FNDC3A: variants seen among roughly 807,000 people sequenced by gnomAD.
FNDC3A encodes fibronectin type III domain containing 3A.
A neutral mutation model predicts 148.9 loss-of-function variants in FNDC3A; 32 were observed. The ratio of observed to expected loss-of-function variants is 0.21; its 90% CI spans 0.16 to 0.29. FNDC3A has a LOEUF of 0.29. Ranked by LOEUF, FNDC3A falls within the 10% of genes least tolerant of loss-of-function variation. The pLI, the probability that FNDC3A is intolerant of heterozygous loss-of-function variation, is 1.00. For synonymous variants in FNDC3A, 472 were observed against 473.6 expected, an observed-to-expected ratio of 1.00 and a Z score of 0.04; for missense variants, 1,191 against 1,452.8, an observed-to-expected ratio of 0.82 and a Z score of 2.93.
At chr13:49,135,331 C>T (rs1882292692) in intron 5 of FNDC3A, among the ~76,000 whole-genome samples, 1 of 152,010 alleles carries the variant, frequency 6.6e-6, no homozygotes, top group Admixed American at 6.6e-5. Flanking sequence ...CTTGTGGTAT[C>T]CTTTAGTGCA....
intron 2 of FNDC3A, among the ~76,000 whole-genome samples, chr13:49,067,968 T>G (rs1329315288): frequency 1.3e-5 from 2 of 151,940 alleles, no homozygotes; most frequent in African/African-American, 4.8e-5. Flanking sequence ...AACCATAGAT[T>G]TGTTAGAATC....
intron 1 of FNDC3A, among the ~76,000 whole-genome samples, chr13:48,996,284 G>A (rs963961328): frequency 6.6e-6 from 1 of 152,094 alleles, no homozygotes; most frequent in Non-Finnish European, 1.5e-5. Flanking sequence ...TTTTGTTCAT[G>A]TGTATGTTTA....
At chr13:49,020,673 G>A (rs762545704) in intron 2 of FNDC3A, among the ~76,000 whole-genome samples, 1 of 152,212 alleles carries the variant, frequency 6.6e-6, no homozygotes, top group Admixed American at 6.5e-5. Flanking sequence ...GTGTTGGGGG[G>A]TTATAATAGC....
chr13:49,184,236 T>C (rs1885448113), intron 14 of FNDC3A, among the ~76,000 whole-genome samples: 1 of 152,004 alleles, frequency 6.6e-6, no homozygotes, highest in Admixed American at 6.5e-5. Flanking sequence ...GTAGGCATGG[T>C]GTGGAATTTA....
chr13:49,168,332 A>G (rs1884583048), intron 9 of FNDC3A, among the ~76,000 whole-genome samples: 1 of 152,248 alleles, frequency 6.6e-6, no homozygotes, highest in Non-Finnish European at 1.5e-5. Flanking sequence ...TAGGACAGAA[A>G]GCATCAGTGT....
rs555691838 is a variant in FNDC3A, at chr13:49,082,279, G to A, written c.175+6915G>A. Among the ~76,000 whole-genome samples, 32 of 152,040 alleles carry A rather than the reference G, an allele frequency of 2.1e-4. 1 individual carries two copies. Among genetic ancestry groups the A allele is most frequent in the African/African-American group, 6.5e-4 (27 of 41,474 alleles). On this transcript the variant is annotated intron_variant, in intron 3 of 25. Transcript: ENST00000492622. ...CGCAAACCTGTAATCCCAGCTATTC[G>A]GGAGGCAGAGGCAGGAGAATCACTT...
At position 49,187,517 on chromosome 13, in the gene FNDC3A, G is replaced by T. The variant is rs980232226; in HGVS notation, c.1825+327G>T. Reference sequence around the variant, plus strand: ...AGTTGTTGTCTTACTACAAGAAAGGGTGTAGCAAATGCAGATCCAAAGTAC... The same window carrying T: ...AGTTGTTGTCTTACTACAAGAAAGGTTGTAGCAAATGCAGATCCAAAGTAC... On this transcript the variant is annotated intron_variant, in intron 16 of 25. Coordinates refer to ENST00000492622, the MANE Select transcript of FNDC3A (RefSeq NM_001079673.2). 1.9e-5 allele frequency: 31 copies of T among 1,604,800 alleles called. No individual in the cohort carries two copies. In the African/African-American group the frequency reaches 4.0e-4, roughly 21 times the overall value.
intron 2 of FNDC3A, among the ~76,000 whole-genome samples, chr13:49,045,187 T>G (rs1593512092): frequency 6.9e-6 from 1 of 145,662 alleles, no homozygotes; most frequent in Non-Finnish European, 1.5e-5. Context: ...GGAATCTCAC[T>G]CTGTCACTCA....
At chr13:48,997,659 C>G (rs909469518) in intron 1 of FNDC3A, among the ~76,000 whole-genome samples, 5 of 152,044 alleles carry the variant, frequency 3.3e-5, no homozygotes, top group African/African-American at 1.2e-4. Flanking sequence ...AGGGTTCTTA[C>G]CAAAAAGCCA....
chr13:48,992,146 T>C (rs1398770142), intron 1 of FNDC3A, among the ~76,000 whole-genome samples: 1 of 152,212 alleles, frequency 6.6e-6, no homozygotes, highest in Non-Finnish European at 1.5e-5. Flanking sequence ...TTAGCAGAGA[T>C]TTCAATACCC....
chr13:48,976,635 C>G (rs1951607019), intron 1 of FNDC3A: 1 of 152,434 alleles, frequency 6.6e-6, no homozygotes, highest in East Asian at 1.9e-4. Flanking sequence ...GAGAGGATCG[C>G]CCAGCACCCG....
chr13:49,148,234 C>CT (rs1021198636), intron 8 of FNDC3A, among the ~76,000 whole-genome samples: 39 of 151,832 alleles, frequency 2.6e-4, no homozygotes, highest in East Asian at 7.7e-4. Flanking sequence ...CTCTATTTTT[C>CT]TTTTTTTTGT....
chr13:49,106,773 C>CAAAAAAAAAAAAAAAAA (rs543962565), intron 3 of FNDC3A, among the ~76,000 whole-genome samples: 18 of 79,846 alleles, frequency 2.3e-4, no homozygotes, highest in Middle Eastern at 0.014. Flanking sequence ...TGAATGAAAG[C>CAAAAAAAAAAAAAAAAA]AAAAAAAAAA....
In FNDC3A at chr13:49,138,772, T is replaced by G. The variant is rs537574276; in HGVS notation, c.786T>G (p.Phe262Leu). ...IEEKDEETKA[F>L]EALLSNIVKP... ...AAAAAGATGAAGAAACTAAAGCATTTGAAGCACTTCTTTCCAACATTGTCA... is the reference window on the plus strand; with the variant it reads ...AAAAAGATGAAGAAACTAAAGCATTGGAAGCACTTCTTTCCAACATTGTCA... Residue 262 changes from phenylalanine (F) to leucine (L), a missense_variant, in exon 7 of 26, where the codon TTT becomes TTG. Phe to Leu is a conservative substitution (Grantham distance 22). Coordinates refer to ENST00000492622, the MANE Select transcript of FNDC3A (RefSeq NM_001079673.2). The G allele has an allele frequency of 6.6e-7, 1 of 1,514,056 alleles. No individual in the cohort carries two copies. The highest frequency in any genetic ancestry group is 1.2e-5 in the South Asian group (1 of 80,278). The allele number at this position is 1,514,056 out of a possible 1,614,324, so 93.8% of individuals were successfully genotyped here.
chr13:49,112,808 A>G (rs990050550), intron 3 of FNDC3A, among the ~76,000 whole-genome samples: 2 of 152,198 alleles, frequency 1.3e-5, no homozygotes, highest in African/African-American at 4.8e-5. Context: ...GAGAAAAAAT[A>G]TGTAAAAGGC....
Position 49,148,037 on chromosome 13 carries a change from T to TATTC in FNDC3A, c.977+2105_977+2108dup, listed in dbSNP as rs141665755. ...ATTTGTATGTCTTTGGAGAAATGTC[T>TATTC]ATTCATGTCCTTTGTCCACTTTTAA... On this transcript the variant is annotated intron_variant, in intron 8 of 25. Transcript: ENST00000492622. 5.0e-3 allele frequency among the ~76,000 whole-genome samples: 762 copies of TATTC among 152,338 alleles called. 4 individuals carry two copies. The highest frequency in any genetic ancestry group is 8.0e-3 in the Non-Finnish European group (545 of 68,018).
chr13:49,156,596 A>G (rs1039511147), intron 8 of FNDC3A, among the ~76,000 whole-genome samples: 1 of 148,112 alleles, frequency 6.8e-6, no homozygotes, highest in Non-Finnish European at 1.5e-5. Context: ...TCGTTAGTTG[A>G]TGCAGTTTCT....
At chr13:49,055,275 A>T (rs538126456) in intron 2 of FNDC3A, among the ~76,000 whole-genome samples, 9 of 151,882 alleles carry the variant, frequency 5.9e-5, no homozygotes, top group African/African-American at 7.3e-5. Flanking sequence ...AGCTAGTCTT[A>T]TTTCTTTGTA....
intron 8 of FNDC3A, among the ~76,000 whole-genome samples, chr13:49,152,423 A>G (rs1268769842): frequency 6.6e-6 from 1 of 151,048 alleles, no homozygotes; most frequent in Admixed American, 6.6e-5. Flanking sequence ...CATGGGGTTG[A>G]TTTTTTTCTT....
Sources: allele counts gnomAD v4.1 joint callset (sites outside exome capture counted in the v4.1 genomes callset), GRCh38; gene constraint gnomAD v4.1.1; transcripts MANE v1.5; gene names NCBI Gene and HGNC (gene_info 2026-07-23, HGNC 2026-07-21).